Variants in GRIK1 observed in about 807,000 individuals in gnomAD.
GRIK1 encodes glutamate receptor ionotropic, kainate 1.
Under a neutral mutation model 105.7 loss-of-function variants are expected in GRIK1, and 69 were observed. The observed-to-expected ratio is 0.65, with a 90% CI of 0.54 to 0.80. The LOEUF (loss-of-function observed/expected upper bound fraction) is 0.80, where lower values mean the gene tolerates loss of function less well. Among genes scored for constraint, GRIK1 ranks in the 30% least tolerant of loss-of-function variants. The pLI, the probability that GRIK1 is intolerant of heterozygous loss-of-function variation, is 0.00. For missense variants in GRIK1, 1,109 were observed against 1,167.3 expected, an observed-to-expected ratio of 0.95 and a Z score of 0.73; for synonymous variants, 438 against 431.3, an observed-to-expected ratio of 1.02 and a Z score of -0.19.
intron 1 of GRIK1, among the ~76,000 whole-genome samples, chr21:29,829,627 C>A (rs879801924): frequency 5.9e-5 from 9 of 152,172 alleles, no homozygotes; most frequent in Admixed American, 5.9e-4. Context: ...GCCACCCGAG[C>A]AGAAACACAA....
At chr21:29,709,591 A>C (rs1478693804) in intron 1 of GRIK1, among the ~76,000 whole-genome samples, 1 of 151,942 alleles carries the variant, frequency 6.6e-6, no homozygotes, top group African/African-American at 2.4e-5. Flanking sequence ...ATATGGGGAA[A>C]TATTTTTTTA....
At chr21:29,609,055 C>A (rs968764022) in intron 7 of GRIK1, among the ~76,000 whole-genome samples, 13 of 150,866 alleles carry the variant, frequency 8.6e-5, no homozygotes, top group African/African-American at 2.7e-4. Flanking sequence ...TGGGTCATTT[C>A]TTTTATTCTT....
At chr21:29,884,957 C>G (rs2069556332) in intron 1 of GRIK1, among the ~76,000 whole-genome samples, 1 of 151,936 alleles carries the variant, frequency 6.6e-6, no homozygotes, top group Non-Finnish European at 1.5e-5. Context: ...CAAAACTGTT[C>G]CATAAAAGAT....
chr21:29,813,459 C>T (rs1293157675), intron 1 of GRIK1, among the ~76,000 whole-genome samples: 1 of 152,144 alleles, frequency 6.6e-6, no homozygotes, highest in Non-Finnish European at 1.5e-5. Flanking sequence ...AAAATCCAAT[C>T]ATTATCACAG....
intron 1 of GRIK1, among the ~76,000 whole-genome samples, chr21:29,782,155 C>T (rs1013694898): frequency 7.3e-5 from 11 of 149,752 alleles, no homozygotes; most frequent in Admixed American, 2.7e-4. Flanking sequence ...GGCGCGATCT[C>T]GGCTCACTGC....
intron 1 of GRIK1, among the ~76,000 whole-genome samples, chr21:29,798,707 C>A (rs1240639215): frequency 6.6e-6 from 1 of 152,164 alleles, no homozygotes; most frequent in Non-Finnish European, 1.5e-5. Context: ...CTCTCAATTC[C>A]TGTCTCCAAA....
chr21:29,570,570 A>G (rs1487237612), intron 14 of GRIK1, among the ~76,000 whole-genome samples: 2 of 152,176 alleles, frequency 1.3e-5, no homozygotes, highest in Non-Finnish European at 2.9e-5. Context: ...CTGACCCATA[A>G]ACATAGGCCA....
At position 29,837,913 on chromosome 21, in the gene GRIK1, G is replaced by A. The variant is rs74489090; in HGVS notation, c.118+101470C>T. ...GCCCCAAGAAACTTTATATTTCTGG[G>A]AAAACTAAAATCCACCTTCCAGTAT... On this transcript the variant is annotated intron_variant, in intron 1 of 17. Transcript: ENST00000327783. Among the ~76,000 whole-genome samples, 203 of 152,196 alleles carry A rather than the reference G, an allele frequency of 1.3e-3. 2 individuals carry two copies. The East Asian group carries it at 0.016, about 12-fold the overall frequency.
In GRIK1 at chr21:29,587,377, A is replaced by C; in HGVS notation, c.1782T>G (p.Phe594Leu). 1 of 1,605,016 alleles carries C rather than the reference A, an allele frequency of 6.2e-7. No individual in the cohort carries two copies. Among genetic ancestry groups the C allele is most frequent in the East Asian group, 2.2e-5 (1 of 44,842 alleles). ...ATTCTCAAACTTACCTTGCAATCAC[A>C]AAGAGTACACAGCTGACTCCCAAGC... ...LACLGVSCVL[F>L]VIARFTPYEW... The change falls in exon 12 of 18, where the codon TTT becomes TTG. Residue 594 changes from phenylalanine (F) to leucine (L), a missense_variant. Phe to Leu is a conservative substitution (Grantham distance 22). Around this residue, in one of 5 missense-constraint regions of GRIK1, gnomAD observed 264 missense variants for 306.9 expected, o/e 0.86. Transcript: ENST00000327783.
chr21:29,848,779 A>ATATATATATATATTTTTT, intron 1 of GRIK1, among the ~76,000 whole-genome samples: 28 of 77,856 alleles, frequency 3.6e-4, no homozygotes, highest in African/African-American at 1.6e-3. Flanking sequence ...ATATATATAT[A>ATATATATATATATTTTTT]TTTTTTTTTT....
chr21:29,812,928 G>C (rs1021979980), intron 1 of GRIK1, among the ~76,000 whole-genome samples: 2 of 152,116 alleles, frequency 1.3e-5, no homozygotes, highest in African/African-American at 4.8e-5. Flanking sequence ...ATAATGAATA[G>C]GGTTTTTTAA....
At chr21:29,742,689 G>A (rs75694366) in intron 1 of GRIK1, among the ~76,000 whole-genome samples, 9,080 of 152,158 alleles carry the variant, frequency 0.06, 316 homozygotes, top group African/African-American at 0.069. Context: ...GGATTTTCTT[G>A]AACTTAGATT....
At chr21:29,770,609 A>C (rs538173001) in intron 1 of GRIK1, among the ~76,000 whole-genome samples, 15 of 152,346 alleles carry the variant, frequency 9.8e-5, no homozygotes, top group African/African-American at 3.6e-4. Flanking sequence ...ATTTTGATAA[A>C]TGTATTACTC....
intron 1 of GRIK1, among the ~76,000 whole-genome samples, chr21:29,851,961 A>G (rs1005199469): frequency 6.6e-6 from 1 of 152,204 alleles, no homozygotes; most frequent in Admixed American, 6.5e-5. Flanking sequence ...TCACTTACTT[A>G]GATGTGACAT....
chr21:29,820,713 A>G (rs2067277143), intron 1 of GRIK1, among the ~76,000 whole-genome samples: 1 of 152,108 alleles, frequency 6.6e-6, no homozygotes, highest in Admixed American at 6.6e-5. Flanking sequence ...ATTTTTGAAA[A>G]GGGGAGAATA....
intron 14 of GRIK1, among the ~76,000 whole-genome samples, chr21:29,576,304 G>T (rs1368820676): frequency 2.0e-5 from 3 of 152,138 alleles, no homozygotes; most frequent in Non-Finnish European, 4.4e-5. Flanking sequence ...TAATTAAAAA[G>T]ACCTCAACAA....
At chr21:29,894,228 G>T (rs531532966) in intron 1 of GRIK1, among the ~76,000 whole-genome samples, 16 of 152,236 alleles carry the variant, frequency 1.1e-4, no homozygotes, top group African/African-American at 3.9e-4. Context: ...AGTCCCACGA[G>T]AGACCATCTG....
In GRIK1 at chr21:29,561,610, T is replaced by C; in HGVS notation, c.2356+14A>G. 2 of 1,525,384 alleles carry C rather than the reference T, an allele frequency of 1.3e-6. No individual in the cohort carries two copies. Among genetic ancestry groups the C allele is most frequent in the South Asian group, 2.2e-5 (2 of 89,278 alleles). 94.5% of individuals were successfully genotyped at this position (1,525,384 alleles called of 1,614,324 possible). ...TTCTGTATCTCAGTCTTGGTTCATG[T>C]CTACCCGTCTTACCAATAGGTGTTC... is the stretch of plus-strand genomic sequence containing the variant. On this transcript the variant is annotated intron_variant, in intron 15 of 17. Coordinates refer to ENST00000327783, the MANE Select transcript of GRIK1 (RefSeq NM_001330994.2).
intron 4 of GRIK1, among the ~76,000 whole-genome samples, chr21:29,666,086 C>T (rs1382852415): frequency 1.3e-5 from 2 of 152,132 alleles, no homozygotes; most frequent in Non-Finnish European, 2.9e-5. Context: ...CACATGTACC[C>T]CTGAACTGAA....
Sources: gnomAD v4.1 joint callset for allele counts (sites outside exome capture counted in the v4.1 genomes callset) on GRCh38, gnomAD v4.1.1 for gene constraint, gnomAD v4.1.1 regional missense constraint, MANE v1.5 for transcripts, NCBI Gene and HGNC (gene_info 2026-07-23, HGNC 2026-07-21) for gene names.